NEBL: variants seen among roughly 807,000 people sequenced by gnomAD.
The protein encoded by NEBL is nebulette.
Under a neutral mutation model 140.2 loss-of-function variants are expected in NEBL, and 122 were observed. The ratio of observed to expected loss-of-function variants is 0.87; its 90% CI spans 0.75 to 1.01. The LOEUF is 1.01. Ranked by LOEUF, NEBL falls within the 50% of genes least tolerant of loss-of-function variation. The probability of loss-of-function intolerance (pLI) is 0.00; values close to 1 mark genes in which losing one functional copy is unlikely to be tolerated. For synonymous variants in NEBL, 436 were observed against 398.9 expected, an observed-to-expected ratio of 1.09 and a Z score of -1.11; for missense variants, 1,365 against 1,231.3, an observed-to-expected ratio of 1.11 and a Z score of -1.62.
At chr10:21,279,446 T>C (rs1001787164) in intron 1 of NEBL, among the ~76,000 whole-genome samples, 7 of 151,958 alleles carry the variant, frequency 4.6e-5, no homozygotes, top group Admixed American at 1.3e-4. Flanking sequence ...CAGGCCACCA[T>C]GCCTGGCCTA....
At chr10:21,156,349 A>G (rs1265063278) in intron 2 of NEBL, among the ~76,000 whole-genome samples, 1 of 152,258 alleles carries the variant, frequency 6.6e-6, no homozygotes, top group Non-Finnish European at 1.5e-5. Flanking sequence ...TTTAGGAGGC[A>G]TTGAAAGCTA....
intron 4 of NEBL, among the ~76,000 whole-genome samples, chr10:20,881,285 T>C (rs955444412): frequency 2.6e-5 from 4 of 152,180 alleles, no homozygotes; most frequent in African/African-American, 4.8e-5. Context: ...TGAAAGTAAA[T>C]TGTTTTCAAA....
At chr10:21,092,680 T>C (rs1836977488) in intron 2 of NEBL, among the ~76,000 whole-genome samples, 1 of 151,624 alleles carries the variant, frequency 6.6e-6, no homozygotes. Context: ...CCAACAGGCC[T>C]TACTAATACA....
intron 4 of NEBL, among the ~76,000 whole-genome samples, chr10:20,934,156 C>T (rs1805102203): frequency 6.6e-6 from 1 of 152,156 alleles, no homozygotes; most frequent in Non-Finnish European, 1.5e-5. Context: ...CTGAGCAAGA[C>T]TTCACAGACA....
chr10:21,135,562 G>T (rs1839318502), intron 2 of NEBL, among the ~76,000 whole-genome samples: 2 of 152,168 alleles, frequency 1.3e-5, no homozygotes, highest in South Asian at 4.1e-4. Context: ...CAGGAAACAA[G>T]CCAAAGAAAC....
chr10:21,264,575 G>GA (rs896076255), intron 1 of NEBL, among the ~76,000 whole-genome samples: 3 of 149,742 alleles, frequency 2.0e-5, no homozygotes, highest in Non-Finnish European at 3.0e-5. Context: ...TACAGGTGGG[G>GA]AAAAAAAAAG....
intron 9 of NEBL, among the ~76,000 whole-genome samples, chr10:20,858,031 T>C (rs527617308): frequency 1.3e-5 from 2 of 152,186 alleles, no homozygotes; most frequent in South Asian, 2.1e-4. Context: ...ATGCAGGAGA[T>C]ACTGGAGAGC....
Position 20,907,978 on chromosome 10 carries a change from T to C in NEBL, c.357+53694A>G, listed in dbSNP as rs558133831. Among the ~76,000 whole-genome samples the C allele has an allele frequency of 7.9e-5, 12 of 152,338 alleles. No individual in the cohort carries two copies. The East Asian group carries it at 1.9e-3, about 24-fold the overall frequency. ...TCATCCAAGCTATGCTGACATTTTT[T>C]GGGAAAGAGGAACTCCATATAAAAA... On this transcript the variant is annotated intron_variant, in intron 4 of 6. Coordinates refer to the NEBL transcript ENST00000417816.
intron 4 of NEBL, among the ~76,000 whole-genome samples, chr10:20,883,327 C>G (rs1846191704): frequency 6.6e-6 from 1 of 152,304 alleles, no homozygotes; most frequent in East Asian, 1.9e-4. Context: ...AAATCAGAAG[C>G]AGCACCTCAC....
chr10:21,078,398 A>T lies in NEBL; in HGVS notation c.165-58197T>A, dbSNP rs955591250. 5.9e-5 allele frequency among the ~76,000 whole-genome samples: 9 copies of T among 152,362 alleles called. No homozygotes were observed. The East Asian group carries it at 1.5e-3, about 26-fold the overall frequency. On this transcript the variant is annotated intron_variant, in intron 2 of 6. Transcript: ENST00000417816. ...GAAAAAGAAATACTCTAAATAAAAA[A>T]CAAAAAGGTTACAGACTGTAATAAT...
intron 3 of NEBL, among the ~76,000 whole-genome samples, chr10:21,188,663 C>T (rs974289193): frequency 6.8e-6 from 1 of 147,908 alleles, no homozygotes; most frequent in Non-Finnish European, 1.5e-5. Flanking sequence ...TGCAATGGCA[C>T]AATTCCAGCT....
rs1841185435 is a variant in NEBL at position 21,173,685 on chromosome 10, T to A, written c.69+80A>T. ...GCACCGACCCACTCATTGCTTTCCA[T>A]CCCAGGTGCCAAAACTTCTCGAAGC... On this transcript the variant is annotated intron_variant, in intron 1 of 6. Transcript: ENST00000417816. The surrounding 1 kb of genome is among the most constrained non-coding windows in gnomAD (Gnocchi z 5.7). 2 of 1,603,548 alleles carry A rather than the reference T, an allele frequency of 1.2e-6. No homozygotes were observed. Among genetic ancestry groups the A allele is most frequent in the Non-Finnish European group, 1.7e-6 (2 of 1,178,056 alleles).
At chr10:20,920,444 C>G (rs1393589962) in intron 4 of NEBL, among the ~76,000 whole-genome samples, 1 of 152,186 alleles carries the variant, frequency 6.6e-6, no homozygotes, top group East Asian at 1.9e-4. Flanking sequence ...CAGCGACACA[C>G]TGGAGCTGTC....
chr10:21,259,064 G>A (rs943285982), intron 1 of NEBL, among the ~76,000 whole-genome samples: 7 of 148,680 alleles, frequency 4.7e-5, no homozygotes, highest in South Asian at 2.1e-4. Context: ...AAAAAAAGAC[G>A]CACAGTCTTT....
chr10:20,883,230 G>C (rs1415088124), intron 4 of NEBL, among the ~76,000 whole-genome samples: 2 of 152,102 alleles, frequency 1.3e-5, no homozygotes, highest in African/African-American at 4.8e-5. Flanking sequence ...GCTATGCTGA[G>C]ACTTCTGTCA....
intron 27 of NEBL, 73 bp from the exon 28 acceptor site, chr10:20,785,996 C>T (rs950747374): frequency 1.2e-5 from 16 of 1,385,294 alleles, no homozygotes; most frequent in Non-Finnish European, 1.5e-5. Context: ...CACAACACAC[C>T]GACCCACACA....
intron 5 of NEBL, among the ~76,000 whole-genome samples, chr10:20,875,612 A>G (rs2131283528): frequency 6.6e-6 from 1 of 152,302 alleles, no homozygotes; most frequent in South Asian, 2.1e-4. Flanking sequence ...ACCAGAGAAA[A>G]GCAAAACCTC....
intron 3 of NEBL, among the ~76,000 whole-genome samples, chr10:21,246,084 G>A (rs1199632418): frequency 6.6e-6 from 1 of 152,194 alleles, no homozygotes; most frequent in Non-Finnish European, 1.5e-5. Flanking sequence ...GTGAACAGGA[G>A]GAGTGCGCTG....
At chr10:21,152,832 CT>C (rs1840195236) in intron 2 of NEBL, among the ~76,000 whole-genome samples, 1 of 152,056 alleles carries the variant, frequency 6.6e-6, no homozygotes, top group East Asian at 1.9e-4. Context: ...CTTCTTTATT[CT>C]TCTAAAATAA....
Sources: gnomAD v4.1 joint callset for allele counts (sites outside exome capture counted in the v4.1 genomes callset) on GRCh38, gnomAD v4.1.1 for gene constraint, Gnocchi (gnomAD v3.1) non-coding constraint, MANE v1.5 for transcripts, NCBI Gene and HGNC (gene_info 2026-07-23, HGNC 2026-07-21) for gene names.